The following TNNI3K variants were observed in gnomAD, a reference collection of about 807,000 sequenced individuals.
TNNI3K encodes the protein TNNI3 interacting kinase, also known as serine/threonine-protein kinase TNNI3K.
Under a neutral mutation model 114.5 loss-of-function variants are expected in TNNI3K, and 140 were observed. The ratio of observed to expected loss-of-function variants is 1.22; its 90% CI spans 1.07 to 1.41. TNNI3K has a LOEUF of 1.41. Among genes scored for constraint, TNNI3K ranks in the 40% most tolerant of loss-of-function variants. The probability of loss-of-function intolerance (pLI) is 0.00; values close to 1 mark genes in which losing one functional copy is unlikely to be tolerated. For missense variants in TNNI3K, 1,125 were observed against 1,007.6 expected (o/e 1.12, Z -1.58); for synonymous variants, 347 against 347.5 (o/e 1.00, Z 0.02).
chr1:74,498,534 T>A (rs1210044114), intron 23 of TNNI3K, among the ~76,000 whole-genome samples: 1 of 152,190 alleles, frequency 6.6e-6, no homozygotes, highest in African/African-American at 2.4e-5. Flanking sequence ...GTGGTGAATA[T>A]TAAATATTTT....
At chr1:74,263,864 A>G (rs1291467508) in intron 4 of TNNI3K, among the ~76,000 whole-genome samples, 2 of 151,974 alleles carry the variant, frequency 1.3e-5, no homozygotes, top group African/African-American at 4.8e-5. Context: ...GTTATAGCTA[A>G]AAACAAATTT....
At chr1:74,491,008 AGATAT>A (rs1428269907) in intron 22 of TNNI3K, among the ~76,000 whole-genome samples, 14 of 152,328 alleles carry the variant, frequency 9.2e-5, no homozygotes, top group African/African-American at 3.1e-4. Context: ...GCAAAATAAA[AGATAT>A]GATTAGTCTT....
intron 20 of TNNI3K, among the ~76,000 whole-genome samples, chr1:74,456,048 T>C (rs1276729399): frequency 6.6e-6 from 1 of 152,212 alleles, no homozygotes; most frequent in African/African-American, 2.4e-5. Flanking sequence ...ATTATTATTT[T>C]AGAATGCTTC....
rs1411662933 is a variant in TNNI3K, at chr1:74,367,930, A to G, written c.1287A>G (p.Pro429=). 3.2e-6 allele frequency: 5 copies of G among 1,576,204 alleles called. No homozygotes were observed. Among genetic ancestry groups the G allele is most frequent in the Non-Finnish European group, 3.4e-6 (4 of 1,165,870 alleles). ...TAGATGGCTCCTATGTGTCTGTTCC[A>G]TCACCCTTGGGGAAGATTAAAAGCA... ...PGGDGSYVSV[P]SPLGKIKSMT... The change falls in exon 13 of 25, where the codon CCA becomes CCG. Residue 429 remains proline, a synonymous_variant. Coordinates refer to ENST00000326637, the MANE Select transcript of TNNI3K (RefSeq NM_015978.3).
chr1:74,399,089 G>T (rs1044813037), intron 17 of TNNI3K, among the ~76,000 whole-genome samples: 1 of 149,920 alleles, frequency 6.7e-6, no homozygotes, highest in Non-Finnish European at 1.5e-5. Flanking sequence ...CCGGGAGGTG[G>T]ACGTTGCAGT....
chr1:74,417,279 A>G (rs552783837), intron 17 of TNNI3K, among the ~76,000 whole-genome samples: 4 of 152,160 alleles, frequency 2.6e-5, no homozygotes, highest in South Asian at 2.1e-4. Flanking sequence ...CGTGTTGGCT[A>G]TATTTCATGT....
intron 17 of TNNI3K, among the ~76,000 whole-genome samples, chr1:74,424,707 T>G: frequency 8.6e-6 from 1 of 116,494 alleles, no homozygotes; most frequent in African/African-American, 3.0e-5. Flanking sequence ...GGTGACAGAG[T>G]GAGTCCATCT....
chr1:74,281,637 A>G (rs888254002), intron 5 of TNNI3K, among the ~76,000 whole-genome samples: 8 of 152,142 alleles, frequency 5.3e-5, no homozygotes, highest in Non-Finnish European at 1.2e-4. Context: ...CTTCTCATAA[A>G]TTTGTTAAAA....
At chr1:74,325,890 C>T (rs988451557) in intron 5 of TNNI3K, among the ~76,000 whole-genome samples, 1 of 152,142 alleles carries the variant, frequency 6.6e-6, no homozygotes, top group Non-Finnish European at 1.5e-5. Flanking sequence ...GATAAGTCAT[C>T]ACTTTGGAAA....
intron 20 of TNNI3K, among the ~76,000 whole-genome samples, chr1:74,446,814 T>A (rs1329605484): frequency 6.7e-6 from 1 of 149,546 alleles, no homozygotes; most frequent in East Asian, 1.9e-4. Context: ...TCCCCATTGC[T>A]TGTTTTTCTC....
At chr1:74,275,404 A>G (rs1320232992) in intron 5 of TNNI3K, among the ~76,000 whole-genome samples, 2 of 152,134 alleles carry the variant, frequency 1.3e-5, no homozygotes, top group East Asian at 3.9e-4. Flanking sequence ...AACCACCCCT[A>G]TGATTCAATT....
intron 17 of TNNI3K, chr1:74,371,837 A>T (rs775985807): frequency 6.6e-6 from 1 of 151,820 alleles, no homozygotes; most frequent in African/African-American, 2.4e-5. Context: ...TGAATCCAGC[A>T]TCTGGTAAAA....
intron 21 of TNNI3K, chr1:74,468,446 A>C (rs1230178429): frequency 6.6e-6 from 1 of 152,134 alleles, no homozygotes; most frequent in Non-Finnish European, 1.5e-5. Context: ...GATAGGTGGC[A>C]TAGCAGTTAA....
chr1:74,237,562 C>A (rs1381817883), intron 2 of TNNI3K, among the ~76,000 whole-genome samples: 4 of 151,940 alleles, frequency 2.6e-5, no homozygotes, highest in Non-Finnish European at 5.9e-5. Flanking sequence ...CTAGCTTAAA[C>A]TAGATGTATC....
intron 5 of TNNI3K, among the ~76,000 whole-genome samples, chr1:74,319,269 G>T (rs1659480909): frequency 6.6e-6 from 1 of 152,186 alleles, no homozygotes. Flanking sequence ...CCATAGGGCA[G>T]TTCACAACAA....
chr1:74,402,251 G>A (rs1664403177), intron 17 of TNNI3K, among the ~76,000 whole-genome samples: 1 of 152,098 alleles, frequency 6.6e-6, no homozygotes, highest in African/African-American at 2.4e-5. Context: ...AGACAACCCA[G>A]GAAGCCTAAT....
At chr1:74,404,226 T>A (rs1444850082) in intron 17 of TNNI3K, among the ~76,000 whole-genome samples, 1 of 152,144 alleles carries the variant, frequency 6.6e-6, no homozygotes, top group African/African-American at 2.4e-5. Flanking sequence ...AGAATTTATA[T>A]CTTCCCCATC....
At chr1:74,388,531 A>G (rs1663606125) in intron 17 of TNNI3K, among the ~76,000 whole-genome samples, 1 of 152,278 alleles carries the variant, frequency 6.6e-6, no homozygotes, top group Admixed American at 6.5e-5. Context: ...CATCTCATCC[A>G]CAACATCGGA....
intron 20 of TNNI3K, among the ~76,000 whole-genome samples, chr1:74,445,223 T>A (rs1168083727): frequency 6.6e-5 from 1 of 15,058 alleles, no homozygotes; most frequent in Non-Finnish European, 4.2e-4. Flanking sequence ...TTTTCTTTCT[T>A]TTTTTTTTTA....
Sources: gnomAD v4.1 joint callset for allele counts (sites outside exome capture counted in the v4.1 genomes callset) on GRCh38, gnomAD v4.1.1 for gene constraint, MANE v1.5 for transcripts, NCBI Gene and HGNC (gene_info 2026-07-23, HGNC 2026-07-21) for gene names.